MAP7: variants seen among roughly 807,000 people sequenced by gnomAD.
The protein encoded by MAP7 is ensconsin.
Under a neutral mutation model 94.8 loss-of-function variants are expected in MAP7, and 52 were observed. That is an observed-to-expected ratio of 0.55 (90% CI 0.44 to 0.69). The LOEUF is 0.69. MAP7 is among the 30% of genes least tolerant of loss of function. The probability of loss-of-function intolerance (pLI) is 0.00; values close to 1 mark genes in which losing one functional copy is unlikely to be tolerated. For missense variants in MAP7, 940 were observed against 964.6 expected (o/e 0.97, Z 0.34); for synonymous variants, 350 against 357.0 (o/e 0.98, Z 0.22).
chr6:136,516,627 C>T (rs779789554), intron 1 of MAP7, among the ~76,000 whole-genome samples: 1 of 152,090 alleles, frequency 6.6e-6, no homozygotes, highest in South Asian at 2.1e-4. Context: ...TCAATTATAG[C>T]CGCAAATAAC....
chr6:136,400,388 C>G (rs140445979), intron 3 of MAP7, among the ~76,000 whole-genome samples: 2,998 of 150,236 alleles, frequency 0.02, 101 homozygotes, highest in African/African-American at 0.068. Flanking sequence ...TGCACTCCAG[C>G]CTGGGCAACA....
At chr6:136,490,362 C>T (rs991010318) in intron 1 of MAP7, among the ~76,000 whole-genome samples, 1 of 152,122 alleles carries the variant, frequency 6.6e-6, no homozygotes, top group African/African-American at 2.4e-5. Context: ...ACAAATATGC[C>T]AAACGATGTC....
In MAP7 at chr6:136,480,662, A is replaced by AG. The variant is rs1188704525; in HGVS notation, c.68-58864_68-58863insC. On this transcript the variant is annotated intron_variant, in intron 1 of 17. Coordinates refer to ENST00000354570, the MANE Select transcript of MAP7 (RefSeq NM_003980.6). The stretch of plus-strand genomic sequence containing the variant: ...GCCTCAAAAAAAAAAAAAAAAAAAA[A>AG]AAAAAAAGAAAAGAAAACGTTGGGG... Among the ~76,000 whole-genome samples the AG allele has an allele frequency of 5.4e-4, 81 of 150,348 alleles. No individual in the cohort carries two copies. In the East Asian group the frequency reaches 9.6e-3, roughly 18 times the overall value.
rs78494304 is a variant in MAP7, at chr6:136,369,089, C to T, written c.877-2650G>A. On this transcript the variant is annotated intron_variant, in intron 8 of 17. Coordinates refer to ENST00000354570, the MANE Select transcript of MAP7 (RefSeq NM_003980.6). ...AGATTCTGGAATACTTGCATTAACA[C>T]TTACTGCTTTAGCAGCCTTAATCCA... Among the ~76,000 whole-genome samples the T allele has an allele frequency of 2.8e-3, 421 of 152,334 alleles. 2 individuals are homozygous for T. Among genetic ancestry groups the T allele is most frequent in the African/African-American group, 9.3e-3 (386 of 41,572 alleles).
intron 1 of MAP7, among the ~76,000 whole-genome samples, chr6:136,442,978 A>T (rs1409795247): frequency 2.0e-5 from 3 of 152,252 alleles, no homozygotes; most frequent in African/African-American, 7.2e-5. Flanking sequence ...AGAAAATATA[A>T]CCATACTAAG....
intron 1 of MAP7, among the ~76,000 whole-genome samples, chr6:136,470,713 G>A (rs894781446): frequency 1.3e-5 from 2 of 151,912 alleles, no homozygotes; most frequent in Non-Finnish European, 2.9e-5. Context: ...ACACATCAGA[G>A]GTGGGAGGAG....
At chr6:136,543,124 T>C (rs1446680277) in intron 1 of MAP7, among the ~76,000 whole-genome samples, 1 of 152,196 alleles carries the variant, frequency 6.6e-6, no homozygotes, top group Non-Finnish European at 1.5e-5. Context: ...CCAGAATAGA[T>C]GAAAACTATG....
At chr6:136,544,054 T>A (rs1376075135) in intron 1 of MAP7, among the ~76,000 whole-genome samples, 6 of 152,094 alleles carry the variant, frequency 3.9e-5, no homozygotes, top group African/African-American at 1.4e-4. Context: ...CCTGTGTAGT[T>A]CGGATTACAG....
At chr6:136,424,316 CTTCT>C (rs994661822) in intron 1 of MAP7, among the ~76,000 whole-genome samples, 8 of 124,040 alleles carry the variant, frequency 6.4e-5, no homozygotes, top group African/African-American at 2.4e-4. Context: ...TTGAATCTCT[CTTCT>C]TTCATTTAAA....
intron 16 of MAP7, among the ~76,000 whole-genome samples, chr6:136,347,393 GAATA>G (rs1787993244): frequency 6.6e-6 from 1 of 151,660 alleles, no homozygotes; most frequent in South Asian, 2.1e-4. Context: ...TTGCCTGATT[GAATA>G]AATAGTTTAC....
intron 16 of MAP7, among the ~76,000 whole-genome samples, chr6:136,354,388 GTAGA>G (rs1790216181): frequency 1.5e-5 from 2 of 136,892 alleles, no homozygotes; most frequent in African/African-American, 2.7e-5. Context: ...AATATATATA[GTAGA>G]TATATATATA....
At chr6:136,381,919 C>CACACACACACACACAG (rs373754692) in intron 6 of MAP7, among the ~76,000 whole-genome samples, 1,285 of 102,888 alleles carry the variant, frequency 0.012, 34 homozygotes, top group South Asian at 0.028. Context: ...CACACACACA[C>CACACACACACACACAG]AGAGAGAGAG....
intron 3 of MAP7, among the ~76,000 whole-genome samples, chr6:136,391,595 T>A (rs1352650422): frequency 6.7e-6 from 1 of 150,308 alleles, no homozygotes; most frequent in Non-Finnish European, 1.5e-5. Context: ...CCAAACCACA[T>A]GTCAGGCACT....
intron 1 of MAP7, among the ~76,000 whole-genome samples, chr6:136,526,879 G>A (rs1377662326): frequency 6.6e-6 from 1 of 152,142 alleles, no homozygotes; most frequent in Non-Finnish European, 1.5e-5. Context: ...TATAAGAACA[G>A]GGTTGGCAGC....
intron 1 of MAP7, among the ~76,000 whole-genome samples, chr6:136,493,682 A>G (rs1817383988): frequency 6.6e-6 from 1 of 152,222 alleles, no homozygotes; most frequent in African/African-American, 2.4e-5. Flanking sequence ...AAAGTTTTGC[A>G]AAGTAATTCC....
intron 8 of MAP7, among the ~76,000 whole-genome samples, chr6:136,369,663 G>A (rs1322584012): frequency 6.6e-6 from 1 of 152,024 alleles, no homozygotes; most frequent in Non-Finnish European, 1.5e-5. Context: ...ACCACTCAAT[G>A]AAACAAGGAC....
intron 1 of MAP7, among the ~76,000 whole-genome samples, chr6:136,483,307 T>C (rs967041534): frequency 7.2e-5 from 11 of 151,882 alleles, no homozygotes; most frequent in African/African-American, 2.4e-4. Context: ...CTCACTCACA[T>C]TGAGTACACA....
intron 16 of MAP7, among the ~76,000 whole-genome samples, chr6:136,346,566 C>T (rs1226236339): frequency 6.6e-6 from 1 of 152,010 alleles, no homozygotes; most frequent in East Asian, 1.9e-4. Context: ...TGTCTCTAAA[C>T]AACAACAAAA....
chr6:136,400,769 T>C (rs927611577), intron 3 of MAP7, among the ~76,000 whole-genome samples: 1 of 152,196 alleles, frequency 6.6e-6, no homozygotes, highest in Non-Finnish European at 1.5e-5. Context: ...ACTCGAAAGC[T>C]TGTACTCAGT....
Sources: allele counts gnomAD v4.1 joint callset (sites outside exome capture counted in the v4.1 genomes callset), GRCh38; gene constraint gnomAD v4.1.1; transcripts MANE v1.5; gene names NCBI Gene and HGNC (gene_info 2026-07-23, HGNC 2026-07-21).